Variants in NXN observed in about 807,000 individuals in gnomAD.
The protein encoded by NXN is nucleoredoxin 1.
A neutral mutation model predicts 48.6 loss-of-function variants in NXN; 16 were observed. The observed-to-expected ratio is 0.33, with a 90% CI of 0.22 to 0.50. The LOEUF is 0.50. NXN is among the 20% of genes least tolerant of loss of function. The pLI is 0.98. For missense variants in NXN, 492 were observed against 605.5 expected, an observed-to-expected ratio of 0.81 and a Z score of 1.97; for synonymous variants, 281 against 269.6, an observed-to-expected ratio of 1.04 and a Z score of -0.41.
chr17:978,801 G>C lies in NXN; in HGVS notation c.360+518C>G, dbSNP rs922059372. On this transcript the variant is annotated intron_variant, in intron 1 of 7. Coordinates refer to ENST00000336868, the MANE Select transcript of NXN (RefSeq NM_022463.5). This position sits in a 1 kb window ranked among gnomAD's most constrained non-coding sequence, Gnocchi z 4.1. ...GGTTTCTCCCGGAAAGAAAGGAAAC[G>C]CGCTGGTTTGGGCGCCACGGGCGGG... Among the ~76,000 whole-genome samples, 11 of 152,076 alleles carry C rather than the reference G, an allele frequency of 7.2e-5. No individual in the cohort carries two copies. The highest frequency in any genetic ancestry group is 1.5e-5 in the Non-Finnish European group (1 of 67,988).
At chr17:903,927 C>T (rs962646212) in intron 1 of NXN, among the ~76,000 whole-genome samples, 3 of 152,186 alleles carry the variant, frequency 2.0e-5, no homozygotes, top group African/African-American at 7.2e-5. Context: ...AGATTCCTAA[C>T]AAAATTCACG....
Sources: gnomAD v4.1 joint callset for allele counts (sites outside exome capture counted in the v4.1 genomes callset) on GRCh38, gnomAD v4.1.1 for gene constraint, Gnocchi (gnomAD v3.1) non-coding constraint, MANE v1.5 for transcripts, NCBI Gene and HGNC (gene_info 2026-07-23, HGNC 2026-07-21) for gene names.